SNUPN: variants seen among roughly 807,000 people sequenced by gnomAD.
The protein encoded by SNUPN is snurportin 1.
SNUPN carries 31 observed loss-of-function variants against 39.2 expected under a neutral mutation model. The observed-to-expected ratio is 0.79, with a 90% CI of 0.59 to 1.07. The LOEUF (loss-of-function observed/expected upper bound fraction) is 1.07. SNUPN is among the 50% of genes least tolerant of loss of function. The pLI, the probability that SNUPN is intolerant of heterozygous loss-of-function variation, is 0.00. For synonymous variants in SNUPN, 132 were observed against 159.0 expected, an observed-to-expected ratio of 0.83 and a Z score of 1.28; for missense variants, 382 against 434.2, an observed-to-expected ratio of 0.88 and a Z score of 1.07.
intron 3 of SNUPN, among the ~76,000 whole-genome samples, chr15:75,611,585 G>A (rs529064074): frequency 6.9e-4 from 105 of 151,860 alleles, no homozygotes; most frequent in African/African-American, 2.4e-3. Flanking sequence ...GGCCAGGAAC[G>A]GTGGCTCACG....
In SNUPN at chr15:75,598,355, T is replaced by G. The variant is rs1450281698; in HGVS notation, c.*3A>C. 8.1e-6 allele frequency: 13 copies of G among 1,609,398 alleles called. No homozygotes were observed. Among genetic ancestry groups the G allele is most frequent in the African/African-American group, 1.3e-5 (1 of 74,800 alleles). On this transcript the variant is annotated 3_prime_UTR_variant, in exon 9 of 9. Transcript: ENST00000308588. Reference sequence around the variant, plus strand: ...CTGTGGCTCCTTAAGGAGGCTTCTCTCTTTAATTCTCCATGAGGCATCCAG... The same window carrying G: ...CTGTGGCTCCTTAAGGAGGCTTCTCGCTTTAATTCTCCATGAGGCATCCAG...
chr15:75,603,097 G>A (rs2075302483), intron 7 of SNUPN, among the ~76,000 whole-genome samples: 2 of 150,448 alleles, frequency 1.3e-5, no homozygotes, highest in Admixed American at 6.6e-5. Flanking sequence ...CACCCAGGCT[G>A]GAGTGCAGTG....
chr15:75,601,884 CCT>C (rs1491163729), intron 7 of SNUPN, among the ~76,000 whole-genome samples: 1 of 145,628 alleles, frequency 6.9e-6, no homozygotes, highest in Non-Finnish European at 1.6e-5. Context: ...CTTTCCTCCC[CCT>C]TTTTTTTAAG....
rs758920935 is a variant in SNUPN, at chr15:75,598,639, G to A, written c.802C>T (p.Pro268Ser). ...CAGCCCACCAAGGGAGTGCTTCCGG[G>A]GCTGTAGTGGGTCTGTTTGTGGTAG... ...LFYHKQTHYS[P>S]GSTPLVGWLR... Residue 268 changes from proline (P) to serine (S), a missense_variant, in exon 9 of 9, where the codon CCC becomes TCC. Pro to Ser is a moderately conservative substitution (Grantham distance 74, BLOSUM62 -1). Transcript: ENST00000308588. The A allele has an allele frequency of 6.2e-7, 1 of 1,610,772 alleles. No individual in the cohort carries two copies.
rs34924144 is a variant in SNUPN, at chr15:75,604,157, C to CTT, written c.678+991_678+992dup. ...TAACTGGTTGTCCAATTCCCTTTAA[C>CTT]TTTTTTTTTTTTTTTTTTTTTGTGA... On this transcript the variant is annotated intron_variant, in intron 7 of 8. Coordinates refer to ENST00000308588, the MANE Select transcript of SNUPN (RefSeq NM_005701.4). 8.7e-3 allele frequency among the ~76,000 whole-genome samples: 1,004 copies of CTT among 114,960 alleles called. 17 individuals carry two copies. The highest frequency in any genetic ancestry group is 0.015 in the East Asian group (60 of 4,048). 75.4% of individuals were successfully genotyped at this position (114,960 alleles called of 152,430 possible). A position where few individuals can be genotyped will look rare whatever the true frequency, so the allele number is the denominator to read the frequency against.
chr15:75,607,555 T>C (rs2075340896), intron 5 of SNUPN, among the ~76,000 whole-genome samples: 2 of 152,170 alleles, frequency 1.3e-5, no homozygotes, highest in Admixed American at 1.3e-4. Flanking sequence ...TTAAGCAAAG[T>C]GAGAATTCTG....
intron 1 of SNUPN, among the ~76,000 whole-genome samples, chr15:75,623,530 C>G (rs1443045774): frequency 1.3e-5 from 2 of 150,034 alleles, no homozygotes; most frequent in Non-Finnish European, 3.0e-5. Context: ...CTGCAGCCTC[C>G]ACCTCCTGGG....
Position 75,601,157 on chromosome 15 carries a change from G to C in SNUPN, c.740C>G (p.Ser247Cys). 6.2e-7 allele frequency: 1 copy of C among 1,613,462 alleles called. No homozygotes were observed. Among genetic ancestry groups the C allele is most frequent in the Non-Finnish European group, 8.5e-7 (1 of 1,179,436 alleles). The change falls in exon 8 of 9, where the codon TCT becomes TGT. Residue 247 changes from serine to cysteine, a missense_variant. Physicochemically the swap from Ser to Cys is moderately radical, Grantham distance 112. Coordinates refer to ENST00000308588, the MANE Select transcript of SNUPN (RefSeq NM_005701.4). ...CGTTACCTCAAAAGGGAAATCCATA[G>C]ATAGCACATCACACAGGCTTTCGGG... is the stretch of plus-strand genomic sequence containing the variant. Reference protein sequence around the residue: ...CTPESLCDVLSMDFPFEVDGL... With the variant: ...CTPESLCDVLCMDFPFEVDGL...
At chr15:75,620,365 C>T (rs1356478086) in intron 2 of SNUPN, among the ~76,000 whole-genome samples, 1 of 152,118 alleles carries the variant, frequency 6.6e-6, no homozygotes, top group Non-Finnish European at 1.5e-5. Context: ...ACACTCTTAT[C>T]CTGCCCTCTT....
intron 3 of SNUPN, 103 bp from the exon 4 acceptor site, chr15:75,610,097 T>A: frequency 1.1e-6 from 1 of 893,468 alleles, no homozygotes; most frequent in Non-Finnish European, 1.8e-6. Context: ...AAAACCTGAG[T>A]GAAAGAATGA....
At chr15:75,607,427 G>A (rs939027525) in intron 5 of SNUPN, 114 bp from the exon 6 acceptor site, 1 of 715,338 alleles carries the variant, frequency 1.4e-6, no homozygotes. Flanking sequence ...CTCAGTGCTT[G>A]CAGCAGTCAC....
At chr15:75,605,040 C>T in intron 7 of SNUPN, 110 bp downstream of exon 7, 1 of 719,890 alleles carries the variant, frequency 1.4e-6, no homozygotes, top group Middle Eastern at 2.5e-4. Flanking sequence ...TCCCTTTATA[C>T]CATGCTGCCT....
At chr15:75,621,123 G>T in intron 1 of SNUPN, 67 bp from the exon 2 acceptor site, 1 of 1,498,222 alleles carries the variant, frequency 6.7e-7, no homozygotes, top group Non-Finnish European at 9.2e-7. Context: ...AGACAGTTAT[G>T]CAGTTATGAT....
At chr15:75,623,311 AT>A (rs1024176201) in intron 1 of SNUPN, among the ~76,000 whole-genome samples, 1 of 103,006 alleles carries the variant, frequency 9.7e-6, no homozygotes, top group Non-Finnish European at 1.8e-5. Flanking sequence ...CGCCCGGCTA[AT>A]TTTGTTTTTG....
At chr15:75,622,397 T>C (rs1458752106) in intron 1 of SNUPN, 5 of 985,326 alleles carry the variant, frequency 5.1e-6, no homozygotes, top group African/African-American at 1.7e-5. Context: ...AATGCTCCAG[T>C]AGTGTGAAGA....
At chr15:75,622,607 G>C in intron 1 of SNUPN, 4 of 567,148 alleles carry the variant, frequency 7.1e-6, no homozygotes, top group African/African-American at 2.0e-5. Flanking sequence ...TGCTGGGCTG[G>C]CCCAGCCCTT....
At chr15:75,616,157 T>TA (rs397965172) in intron 3 of SNUPN, among the ~76,000 whole-genome samples, 1 of 151,504 alleles carries the variant, frequency 6.6e-6, no homozygotes, top group Non-Finnish European at 1.5e-5. Flanking sequence ...TTTTTTTTTT[T>TA]CTTTAGAGAT....
intron 5 of SNUPN, among the ~76,000 whole-genome samples, chr15:75,608,712 T>C (rs1243553821): frequency 6.6e-6 from 1 of 152,202 alleles, no homozygotes; most frequent in African/African-American, 2.4e-5. Flanking sequence ...CAAAGATATG[T>C]TGACCTTAAT....
intron 1 of SNUPN, chr15:75,625,337 C>T (rs1893197647): frequency 6.6e-6 from 1 of 151,382 alleles, no homozygotes; most frequent in Non-Finnish European, 1.5e-5. Flanking sequence ...TTTCCCTACC[C>T]CTGCTACCGG....
Sources: allele counts gnomAD v4.1 joint callset (sites outside exome capture counted in the v4.1 genomes callset), GRCh38; gene constraint gnomAD v4.1.1; transcripts MANE v1.5; gene names NCBI Gene and HGNC (gene_info 2026-07-23, HGNC 2026-07-21).